Variants in GPR143 observed in about 807,000 individuals in gnomAD.
GPR143 encodes G-protein coupled receptor 143.
A neutral mutation model predicts 27.6 loss-of-function variants in GPR143; 8 were observed. The observed-to-expected ratio is 0.29, with a 90% CI of 0.17 to 0.52. The LOEUF (loss-of-function observed/expected upper bound fraction) is 0.52, where lower values mean the gene tolerates loss of function less well. Among genes scored for constraint, GPR143 ranks in the 20% least tolerant of loss-of-function variants. The pLI, the probability that GPR143 is intolerant of heterozygous loss-of-function variation, is 0.96. For missense variants in GPR143, 303 were observed against 343.1 expected (o/e 0.88, Z 0.92); for synonymous variants, 156 against 153.2 (o/e 1.02, Z -0.13).
At chrX:9,764,387 G>A in intron 1 of GPR143, among the ~76,000 whole-genome samples, 1 of 111,095 alleles carries the variant, frequency 9.0e-6, no homozygotes, top group Non-Finnish European at 1.9e-5. Context: ...GAGGGCTGCA[G>A]TTTGCGCACC....
intron 3 of GPR143, among the ~76,000 whole-genome samples, chrX:9,755,963 G>C (rs1217059675): frequency 1.8e-5 from 2 of 111,687 alleles, no homozygotes; most frequent in African/African-American, 6.5e-5. Flanking sequence ...AGATGTGTAA[G>C]AGTTTGGGAG....
At chrX:9,734,877 A>G (rs2083372290) in intron 8 of GPR143, among the ~76,000 whole-genome samples, 1 of 112,098 alleles carries the variant, frequency 8.9e-6, no homozygotes, top group Admixed American at 9.4e-5. Context: ...ACCGGGAGGT[A>G]CCAAGGGGCT....
upstream of GPR143, among the ~76,000 whole-genome samples, chrX:9,768,246 G>A (rs776653754): frequency 8.9e-6 from 1 of 111,955 alleles, no homozygotes; most frequent in African/African-American, 3.2e-5. Context: ...GGTATGAGAG[G>A]CTGGGCCCAG....
chrX:9,766,901 T>TCACACA (rs1356803704), upstream of GPR143, among the ~76,000 whole-genome samples: 5 of 65,153 alleles, frequency 7.7e-5, no homozygotes, highest in African/African-American at 2.6e-4. Context: ...TATCTCTCTC[T>TCACACA]CTCACACACA....
In GPR143 at chrX:9,739,638, G is replaced by A. The variant is rs2083393904; in HGVS notation, c.967C>T (p.Pro323Ser). 8.3e-6 allele frequency: 10 copies of A among 1,202,932 alleles called. No homozygotes were observed. Among genetic ancestry groups the A allele is most frequent in the Non-Finnish European group, 1.1e-5 (10 of 890,147 alleles). The change falls in exon 8 of 9, where the codon CCC becomes TCC. Residue 323 changes from proline to serine, a missense_variant. Coordinates refer to ENST00000467482, the MANE Select transcript of GPR143 (RefSeq NM_000273.3). Reference protein sequence around the residue: ...WTGCSLGFQSPRKEIQWESLT... With the variant: ...WTGCSLGFQSSRKEIQWESLT... ...GATTCCCACTGGATCTCCTTCCTGG[G>A]AGACTGAAAACCCAGGCTGCATCCT...
At chrX:9,770,823 A>G (rs898380136), upstream of GPR143, among the ~76,000 whole-genome samples, 2 of 112,220 alleles carry the variant, frequency 1.8e-5, no homozygotes, top group African/African-American at 6.5e-5. Flanking sequence ...TTCCTGAGAA[A>G]GGATTTCAGC....
chrX:9,743,029 C>T (rs888682444), intron 6 of GPR143, among the ~76,000 whole-genome samples: 3 of 110,331 alleles, frequency 2.7e-5, no homozygotes, highest in Admixed American at 9.7e-5. Context: ...ATCACTTGAA[C>T]CTGAGAGGCG....
In GPR143 at chrX:9,755,645, G is replaced by A. The variant is rs765335848; in HGVS notation, c.455+3687C>T. Among the ~76,000 whole-genome samples the A allele has an allele frequency of 4.5e-5, 5 of 111,123 alleles. No individual in the cohort carries two copies. The East Asian group carries it at 1.4e-3, about 31-fold the overall frequency. On this transcript the variant is annotated intron_variant, in intron 3 of 8. Transcript: ENST00000467482. ...ACTTCCTGATGCCCAGAATGTAGGT[G>A]TGATGACTGGAGCACCAGCAGCTAT... is the stretch of plus-strand genomic sequence containing the variant.
intron 4 of GPR143, 61 bp downstream of exon 4, chrX:9,748,513 G>T: frequency 1.3e-6 from 1 of 777,355 alleles, no homozygotes; most frequent in Non-Finnish European, 2.0e-6. Context: ...TGTATTCCCT[G>T]CAAGACAACA....
At chrX:9,773,506 C>CACACAT (rs1206760093) in intron 1 of GPR143, among the ~76,000 whole-genome samples, 1 of 92,623 alleles carries the variant, frequency 1.1e-5, no homozygotes, top group Non-Finnish European at 2.3e-5. Flanking sequence ...CACACACACA[C>CACACAT]ACACATAAAC....
At chrX:9,766,068 G>A, upstream of GPR143, 4 of 257,284 alleles carry the variant, frequency 1.6e-5, no homozygotes, top group Non-Finnish European at 2.8e-5. Flanking sequence ...GAGAGGAAGA[G>A]GGAGGAGGAG....
chrX:9,760,683 G>C, intron 2 of GPR143, 34 bp downstream of exon 2: 1 of 742,095 alleles, frequency 1.3e-6, no homozygotes, highest in Non-Finnish European at 2.1e-6. Flanking sequence ...AGCATAAGTA[G>C]GGAGGAGAGG....
chrX:9,778,470 G>A (rs980650992), intron 1 of GPR143, among the ~76,000 whole-genome samples: 4 of 110,843 alleles, frequency 3.6e-5, no homozygotes, highest in Admixed American at 9.6e-5. Flanking sequence ...TGGCCAGAAG[G>A]GTGGGATGAG....
rs35066814 is a variant in GPR143 at position 9,725,980 on chromosome X, C to CAAAAAA, written c.1121-146_1121-141dup. The CAAAAAA allele has an allele frequency of 1.7e-4, 59 of 354,982 alleles. 2 individuals are homozygous for CAAAAAA. In the African/African-American group the frequency reaches 2.2e-3, roughly 13 times the overall value. 29.3% of individuals were successfully genotyped at this position (354,982 alleles called of 1,213,427 possible). ...AAAGTCCTAGCATTCATCTCATCTG[C>CAAAAAA]AAAAAAAAAAAAAAAAAAAAAAAAA... On this transcript the variant is annotated intron_variant, in intron 8 of 8. Transcript: ENST00000467482.
upstream of GPR143, among the ~76,000 whole-genome samples, chrX:9,767,338 T>C (rs186690155): frequency 6.4e-5 from 7 of 109,819 alleles, no homozygotes; most frequent in Admixed American, 6.9e-4. Flanking sequence ...CCCTTCCTCC[T>C]CTCTCCTGGT....
At chrX:9,754,580 C>A (rs145441166) in intron 3 of GPR143, among the ~76,000 whole-genome samples, 8 of 111,722 alleles carry the variant, frequency 7.2e-5, no homozygotes, top group Non-Finnish European at 1.3e-4. Flanking sequence ...GAGAAGCCTG[C>A]GCCCCCCACT....
intron 1 of GPR143, among the ~76,000 whole-genome samples, chrX:9,774,143 A>C (rs867905757): frequency 1.1e-4 from 5 of 43,831 alleles, no homozygotes; most frequent in African/African-American, 6.2e-5. Context: ...CATCTCTTAA[A>C]GAAAAAAAAG....
At chrX:9,769,862 G>A (rs193186774), upstream of GPR143, among the ~76,000 whole-genome samples, 1,728 of 111,431 alleles carry the variant, frequency 0.016, 17 homozygotes, top group Non-Finnish European at 0.023. Context: ...GATTGCAGGC[G>A]TGAGTCACTG....
At chrX:9,747,557 G>A (rs2083434427) in intron 4 of GPR143, among the ~76,000 whole-genome samples, 1 of 111,939 alleles carries the variant, frequency 8.9e-6, no homozygotes, top group Non-Finnish European at 1.9e-5. Context: ...CAGAATGTAT[G>A]GATGGATCTA....
Sources: allele counts gnomAD v4.1 joint callset (sites outside exome capture counted in the v4.1 genomes callset), GRCh38; gene constraint gnomAD v4.1.1; transcripts MANE v1.5; gene names NCBI Gene and HGNC (gene_info 2026-07-23, HGNC 2026-07-21).